The following GGTA1 variants were observed in gnomAD, a reference collection of about 807,000 sequenced individuals.
GGTA1 encodes the protein inactive N-acetyllactosaminide alpha-1,3-galactosyltransferase.
Under a neutral mutation model 2.6 loss-of-function variants are expected in GGTA1, and 5 were observed. The observed-to-expected ratio is 1.92, with a 90% confidence interval of 1.00 to 4.04. The LOEUF (loss-of-function observed/expected upper bound fraction) is 4.04. Ranked by LOEUF, GGTA1 falls within the 30% of genes most tolerant of loss-of-function variation. GGTA1 has a pLI of 0.00. For missense variants in GGTA1, 50 were observed against 16.7 expected (o/e 2.99, Z -3.47); for synonymous variants, 17 against 5.0 (o/e 3.38, Z -3.19).
intron 1 of GGTA1, among the ~76,000 whole-genome samples, chr9:121,490,136 G>A (rs903995257): frequency 2.1e-4 from 32 of 152,230 alleles, no homozygotes; most frequent in Middle Eastern, 3.4e-3. Context: ...TCTTTCCCTC[G>A]AGGACATAAC....
At chr9:121,485,995 C>G (rs970659632) in intron 1 of GGTA1, among the ~76,000 whole-genome samples, 3 of 152,220 alleles carry the variant, frequency 2.0e-5, no homozygotes, top group African/African-American at 7.2e-5. Context: ...AGGATAGATT[C>G]TTGCATTCTC....
intron 1 of GGTA1, among the ~76,000 whole-genome samples, chr9:121,488,484 GT>G (rs1828806966): frequency 6.6e-6 from 1 of 152,150 alleles, no homozygotes; most frequent in Non-Finnish European, 1.5e-5. Flanking sequence ...GGAGGCCAAG[GT>G]AGGTGGATCA....
intron 2 of GGTA1, among the ~76,000 whole-genome samples, chr9:121,464,851 C>T (rs1313456421): frequency 6.6e-6 from 1 of 152,146 alleles, no homozygotes; most frequent in African/African-American, 2.4e-5. Flanking sequence ...GCTTTACTGA[C>T]AATTCTTCTA....
rs568777532 is a variant in GGTA1 at position 121,481,092 on chromosome 9, G to A, written c.-9-13161C>T. 4.2e-5 allele frequency among the ~76,000 whole-genome samples: 6 copies of A among 144,428 alleles called. No individual in the cohort carries two copies. In the East Asian group the frequency reaches 1.3e-3, roughly 30 times the overall value. 94.8% of individuals were successfully genotyped at this position (144,428 alleles called of 152,430 possible). On this transcript the variant is annotated intron_variant, in intron 1 of 5. Coordinates refer to ENST00000481799, the MANE Select transcript of GGTA1 (RefSeq NM_001382585.1). The stretch of plus-strand genomic sequence containing the variant: ...CACTTGAACCCAGGAGGCGGAGCTT[G>A]CAGTGAGCCGAGATCGCGCCACTGC...
intron 1 of GGTA1, among the ~76,000 whole-genome samples, chr9:121,468,293 G>A (rs1347921417): frequency 6.6e-6 from 1 of 152,138 alleles, no homozygotes; most frequent in East Asian, 1.9e-4. Flanking sequence ...TCCTGTGTTA[G>A]TTTGCTGAGA....
chr9:121,475,142 G>T (rs1828480321), intron 1 of GGTA1, among the ~76,000 whole-genome samples: 1 of 152,158 alleles, frequency 6.6e-6, no homozygotes, highest in Non-Finnish European at 1.5e-5. Flanking sequence ...GACCTTGCTG[G>T]TAAAACAGTT....
At chr9:121,468,178 TC>T (rs1194608586) in intron 1 of GGTA1, among the ~76,000 whole-genome samples, 1 of 151,990 alleles carries the variant, frequency 6.6e-6, no homozygotes, top group Admixed American at 6.6e-5. Context: ...TAGCCCCCCA[TC>T]CCCTGACAGG....
intron 1 of GGTA1, among the ~76,000 whole-genome samples, chr9:121,488,702 A>T (rs946763292): frequency 6.6e-6 from 1 of 150,892 alleles, no homozygotes; most frequent in Non-Finnish European, 1.5e-5. Context: ...GGGCAACAAG[A>T]GTGAAACTCC....
intron 4 of GGTA1, 120 bp from the exon 5 acceptor site, chr9:121,460,339 T>C: frequency 2.5e-6 from 1 of 395,042 alleles, no homozygotes; most frequent in Non-Finnish European, 5.0e-6. Flanking sequence ...CTAAGTGAAC[T>C]GACCAGAAAA....
At chr9:121,460,054 C>T (rs1448523307) in intron 5 of GGTA1, 50 bp downstream of exon 5, 1 of 452,746 alleles carries the variant, frequency 2.2e-6, no homozygotes, top group African/African-American at 2.0e-5. Flanking sequence ...CACACCACCC[C>T]CTGCAGGGCC....
downstream of GGTA1, among the ~76,000 whole-genome samples, chr9:121,454,797 G>C (rs1466283031): frequency 1.3e-5 from 2 of 152,184 alleles, no homozygotes; most frequent in Non-Finnish European, 2.9e-5. Flanking sequence ...TGGATCATTT[G>C]AGATCAGGAG....
intron 1 of GGTA1, among the ~76,000 whole-genome samples, chr9:121,480,754 A>G (rs1377695714): frequency 6.6e-6 from 1 of 152,164 alleles, no homozygotes; most frequent in African/African-American, 2.4e-5. Flanking sequence ...TCCTGTGGCT[A>G]ACTATTTAAG....
chr9:121,483,640 C>T (rs945376391), intron 1 of GGTA1, among the ~76,000 whole-genome samples: 6 of 152,138 alleles, frequency 3.9e-5, no homozygotes, highest in African/African-American at 1.4e-4. Flanking sequence ...CCCGAACAGC[C>T]CATGGATCTA....
At chr9:121,455,940 A>C in intron 5 of GGTA1, 99 bp from the exon 6 acceptor site, 2 of 427,058 alleles carry the variant, frequency 4.7e-6, no homozygotes, top group Admixed American at 4.9e-5. Context: ...TGACAATTCC[A>C]ACAGGTCAGT....
chr9:121,489,199 A>G (rs1480720084), intron 1 of GGTA1, among the ~76,000 whole-genome samples: 1 of 152,052 alleles, frequency 6.6e-6, no homozygotes, highest in Non-Finnish European at 1.5e-5. Context: ...ACTTTATTAT[A>G]TTTTATATAT....
In GGTA1 at chr9:121,496,757, A is replaced by AAAAAAAAAAAAAAAAAAAG. The variant is rs1554838784; in HGVS notation, c.-10+2892_-10+2893insCTTTTTTTTTTTTTTTTTT. Among the ~76,000 whole-genome samples the AAAAAAAAAAAAAAAAAAAG allele has an allele frequency of 8.7e-4, 97 of 111,930 alleles. 1 individual carries two copies. The highest frequency in any genetic ancestry group is 1.7e-3 in the Non-Finnish European group (80 of 48,262). The allele number at this position is 111,930 out of a possible 152,430, so 73.4% of individuals were successfully genotyped here. A position where few individuals can be genotyped will look rare whatever the true frequency, so the allele number is the denominator to read the frequency against. On this transcript the variant is annotated intron_variant, in intron 1 of 5. Coordinates refer to ENST00000481799, the MANE Select transcript of GGTA1 (RefSeq NM_001382585.1). ...AAAAAAAAAAAAAAAAAAAAAAAAA[A>AAAAAAAAAAAAAAAAAAAG]AGAGAGAGAGAATCGCTTGAATGAA...
chr9:121,493,748 CTTTTTTTTTT>C (rs35465171), intron 1 of GGTA1, among the ~76,000 whole-genome samples: 1 of 36,624 alleles, frequency 2.7e-5, no homozygotes, highest in Non-Finnish European at 5.5e-5. Context: ...GACTCACTCT[CTTTTTTTTTT>C]TTTTTTTTTT....
chr9:121,495,767 C>A (rs1828978844), intron 1 of GGTA1, among the ~76,000 whole-genome samples: 2 of 152,214 alleles, frequency 1.3e-5, no homozygotes, highest in African/African-American at 4.8e-5. Context: ...CCCAAACATT[C>A]ATTCTCCCTT....
rs2064903365 is a variant in GGTA1, at chr9:121,455,470, T to G, written c.*367A>C. 6.5e-6 allele frequency: 1 copy of G among 154,204 alleles called. No homozygotes were observed. Among genetic ancestry groups the G allele is most frequent in the Middle Eastern group, 3.2e-3 (1 of 316 alleles). The allele number at this position is 154,204 out of a possible 1,614,324, so 9.6% of individuals were successfully genotyped here. A position where few individuals can be genotyped will look rare whatever the true frequency, so the allele number is the denominator to read the frequency against. On this transcript the variant is annotated 3_prime_UTR_variant, in exon 6 of 6. Transcript: ENST00000481799. ...CAGAGGCTAAGTGCTTGACTTTTATTCTCTCATTTGATCTTCATGACCATT... is the reference window on the plus strand; with the variant it reads ...CAGAGGCTAAGTGCTTGACTTTTATGCTCTCATTTGATCTTCATGACCATT...
Sources: gnomAD v4.1 joint callset for allele counts (sites outside exome capture counted in the v4.1 genomes callset) on GRCh38, gnomAD v4.1.1 for gene constraint, MANE v1.5 for transcripts, NCBI Gene and HGNC (gene_info 2026-07-23, HGNC 2026-07-21) for gene names.